TENM2: variants seen among roughly 807,000 people sequenced by gnomAD.
The protein encoded by TENM2 is teneurin-2.
In TENM2, 52 loss-of-function variants were observed where a neutral mutation model predicts 245.2. That is an observed-to-expected ratio of 0.21 (90% CI 0.17 to 0.27). The LOEUF (loss-of-function observed/expected upper bound fraction) is 0.27. Among genes scored for constraint, TENM2 ranks in the 10% least tolerant of loss-of-function variants. TENM2 has a pLI of 1.00. For missense variants in TENM2, 3,046 were observed against 3,666.8 expected, an observed-to-expected ratio of 0.83 and a Z score of 4.37; for synonymous variants, 1,363 against 1,438.9, an observed-to-expected ratio of 0.95 and a Z score of 1.19.
the TENM2 span, among the ~76,000 whole-genome samples, chr5:167,158,930 C>T: frequency 8.8e-5 from 13 of 147,258 alleles, no homozygotes; most frequent in Non-Finnish European, 3.0e-5. Context: ...CTCTCTCTCT[C>T]TCTCCTTCTT....
At chr5:167,869,758 G>C (rs1280284618) in intron 2 of TENM2, among the ~76,000 whole-genome samples, 1 of 151,920 alleles carries the variant, frequency 6.6e-6, no homozygotes, top group African/African-American at 2.4e-5. Context: ...TGCACATGCA[G>C]AACTACACAG....
intron 13 of TENM2, among the ~76,000 whole-genome samples, chr5:168,178,416 T>C (rs1249441061): frequency 6.6e-6 from 1 of 152,160 alleles, no homozygotes; most frequent in Non-Finnish European, 1.5e-5. Context: ...CAGAGGCCCC[T>C]GCTCTCTGTT....
At chr5:167,582,569 T>C (rs1775166239) in intron 2 of TENM2, among the ~76,000 whole-genome samples, 1 of 152,186 alleles carries the variant, frequency 6.6e-6, no homozygotes. Flanking sequence ...CATTAGGAAC[T>C]GAAATCATTA....
the TENM2 span, among the ~76,000 whole-genome samples, chr5:166,982,791 T>C: frequency 6.7e-6 from 1 of 149,622 alleles, no homozygotes; most frequent in Non-Finnish European, 1.5e-5. Flanking sequence ...ATGTTTTTTT[T>C]GGGGGGGGGA....
At chr5:168,071,639 C>A (rs1791020676) in intron 7 of TENM2, among the ~76,000 whole-genome samples, 1 of 151,752 alleles carries the variant, frequency 6.6e-6, no homozygotes, top group Admixed American at 6.6e-5. Flanking sequence ...TTCAAGCAAT[C>A]CTCCTTTTTC....
At chr5:167,960,425 C>T (rs925956694) in intron 4 of TENM2, among the ~76,000 whole-genome samples, 20 of 152,198 alleles carry the variant, frequency 1.3e-4, no homozygotes, top group Non-Finnish European at 1.8e-4. Context: ...GGCAGTCTGG[C>T]TACAGCAGGT....
At chr5:167,162,638 C>A in the TENM2 span, among the ~76,000 whole-genome samples, 7 of 141,534 alleles carry the variant, frequency 4.9e-5, no homozygotes, top group African/African-American at 1.1e-4. Context: ...AAAAAAAAAA[C>A]AACAAAAAAC....
At chr5:168,240,280 G>A (rs183322763) in intron 25 of TENM2, among the ~76,000 whole-genome samples, 9 of 152,296 alleles carry the variant, frequency 5.9e-5, no homozygotes, top group Non-Finnish European at 8.8e-5. Context: ...TTCAGCAGGC[G>A]TGGAGCCAGC....
intron 13 of TENM2, among the ~76,000 whole-genome samples, chr5:168,163,487 G>A (rs978358948): frequency 2.6e-5 from 4 of 152,176 alleles, no homozygotes; most frequent in East Asian, 1.9e-4. Flanking sequence ...ATAAAAAGTT[G>A]CGTATATGGC....
intron 2 of TENM2, among the ~76,000 whole-genome samples, chr5:167,489,374 T>G (rs980364920): frequency 6.6e-6 from 1 of 152,058 alleles, no homozygotes; most frequent in Non-Finnish European, 1.5e-5. Context: ...TGTCATCATC[T>G]CCAATCCTAT....
chr5:167,387,208 T>C (rs1761485835), intron 2 of TENM2, among the ~76,000 whole-genome samples: 2 of 152,224 alleles, frequency 1.3e-5, no homozygotes, highest in Non-Finnish European at 1.5e-5. Flanking sequence ...GTTTTCCTTG[T>C]AGAGGTCTTT....
intron 2 of TENM2, among the ~76,000 whole-genome samples, chr5:167,730,195 A>G (rs1760321499): frequency 6.6e-6 from 1 of 152,144 alleles, no homozygotes; most frequent in Admixed American, 6.5e-5. Context: ...ACAGAAACCT[A>G]TTTATGAAAA....
chr5:167,241,370 G>A, the TENM2 span, among the ~76,000 whole-genome samples: 108 of 152,276 alleles, frequency 7.1e-4, no homozygotes, highest in Non-Finnish European at 1.1e-3. Context: ...TGCTCTGGAA[G>A]CAATATATAG....
At chr5:167,417,181 T>C (rs1044403053) in intron 2 of TENM2, among the ~76,000 whole-genome samples, 4 of 152,282 alleles carry the variant, frequency 2.6e-5, no homozygotes, top group African/African-American at 9.6e-5. Flanking sequence ...GTCTGTCACT[T>C]CTTCATTTCT....
Position 167,951,493 on chromosome 5 carries a change from A to G in TENM2, c.713-1095A>G, listed in dbSNP as rs1462385917. ...ATGCTTAAAATATTTCATTTTGTAGATTGAGAATCGGTTGCTAGGAAAACC... is the reference window on the plus strand; with the variant it reads ...ATGCTTAAAATATTTCATTTTGTAGGTTGAGAATCGGTTGCTAGGAAAACC... On this transcript the variant is annotated intron_variant, in intron 3 of 28. Coordinates refer to ENST00000518659, the Ensembl canonical transcript of TENM2. 5.3e-5 allele frequency among the ~76,000 whole-genome samples: 8 copies of G among 152,360 alleles called. No individual in the cohort carries two copies. The East Asian group carries it at 9.6e-4, about 18-fold the overall frequency.
At position 168,262,235 on chromosome 5, in the gene TENM2, G is replaced by A. The variant is rs369265677; in HGVS notation, c.7750G>A (p.Gly2584Ser). ...CATCAAAGAAGGGCGGGTGACCACG[G>A]GCGTGTCCAGCATCGCCAGCGAAGA... Residue 2584 changes from glycine (G) to serine (S), a missense_variant, in exon 29 of 29, where the codon GGC becomes AGC. Gly to Ser is a moderately conservative substitution (Grantham distance 56). Around this residue, in one of 2 missense-constraint regions of TENM2, gnomAD observed 2,704 missense variants for 3,331.9 expected, o/e 0.81. Coordinates refer to ENST00000518659, the Ensembl canonical transcript of TENM2. 92 of 1,604,834 alleles carry A rather than the reference G, an allele frequency of 5.7e-5. No homozygotes were observed. Among genetic ancestry groups the A allele is most frequent in the Middle Eastern group, 3.3e-4 (2 of 6,078 alleles).
rs538499468 is a variant in TENM2 at position 167,475,723 on chromosome 5, C to G, written c.502+100250C>G. On this transcript the variant is annotated intron_variant, in intron 2 of 28. Transcript: ENST00000518659. ...CCCATATGTTCTCATTGTTCAGCTCCCACTTATGAGTGAGAACATGCAGTG... is the reference window on the plus strand; with the variant it reads ...CCCATATGTTCTCATTGTTCAGCTCGCACTTATGAGTGAGAACATGCAGTG... Among the ~76,000 whole-genome samples the G allele has an allele frequency of 2.3e-3, 343 of 152,202 alleles. 3 individuals carry two copies. The highest frequency in any genetic ancestry group is 7.7e-3 in the African/African-American group (321 of 41,534).
At chr5:168,077,708 C>G (rs560336877) in intron 7 of TENM2, among the ~76,000 whole-genome samples, 11 of 152,200 alleles carry the variant, frequency 7.2e-5, no homozygotes, top group African/African-American at 1.9e-4. Flanking sequence ...ATAGTTTGCT[C>G]AGAATGATGG....
the TENM2 span, among the ~76,000 whole-genome samples, chr5:167,043,985 A>C: frequency 1.3e-5 from 2 of 150,944 alleles, no homozygotes; most frequent in South Asian, 2.1e-4. Context: ...GCGCCACTGC[A>C]CTCCAGCCTG....
Sources: allele counts gnomAD v4.1 joint callset (sites outside exome capture counted in the v4.1 genomes callset), GRCh38; gene constraint gnomAD v4.1.1; regional missense constraint gnomAD v4.1.1; transcripts MANE v1.5; gene names NCBI Gene and HGNC (gene_info 2026-07-23, HGNC 2026-07-21).